CYP2B6: variants seen among roughly 807,000 people sequenced by gnomAD.
CYP2B6 encodes cytochrome P450 family 2 subfamily B member 6.
Under a neutral mutation model 43.4 loss-of-function variants are expected in CYP2B6, and 35 were observed. The ratio of observed to expected loss-of-function variants is 0.81; its 90% CI spans 0.62 to 1.07. CYP2B6 has a LOEUF of 1.07. CYP2B6 is among the 50% of genes least tolerant of loss of function. The probability of loss-of-function intolerance (pLI) is 0.00; values close to 1 mark genes in which losing one functional copy is unlikely to be tolerated. For synonymous variants in CYP2B6, 239 were observed against 239.2 expected (o/e 1.00, Z 0.01); for missense variants, 624 against 632.8 (o/e 0.99, Z 0.15).
intron 1 of CYP2B6, among the ~76,000 whole-genome samples, chr19:40,992,568 A>G (rs1402852226): frequency 6.6e-6 from 1 of 151,988 alleles, no homozygotes; most frequent in Non-Finnish European, 1.5e-5. Context: ...AGCCAGGCTG[A>G]AGTGCTGTGG....
intron 1 of CYP2B6, among the ~76,000 whole-genome samples, chr19:41,001,161 G>A (rs1423711560): frequency 2.0e-5 from 3 of 152,106 alleles, no homozygotes; most frequent in Non-Finnish European, 2.9e-5. Context: ...TCCAGCAGGA[G>A]GTCTGTCTCC....
In CYP2B6 at chr19:41,016,884, G is replaced by C; in HGVS notation, c.*57G>C. ...AGGGTCATTCAGTGTCCCCGCCTCT[G>C]TAGACAATGGCTCTGACTCCCCGCA... On this transcript the variant is annotated 3_prime_UTR_variant, in exon 9 of 9. Coordinates refer to ENST00000324071, the MANE Select transcript of CYP2B6 (RefSeq NM_000767.5). The C allele has an allele frequency of 6.4e-7, 1 of 1,571,350 alleles. No individual in the cohort carries two copies. The highest frequency in any genetic ancestry group is 8.7e-7 in the Non-Finnish European group (1 of 1,153,340).
rs1969197991 is a variant in CYP2B6 at position 41,006,953 on chromosome 19, T to A, written c.533T>A (p.Ile178Asn). 1 of 1,613,884 alleles carries A rather than the reference T, an allele frequency of 6.2e-7. No individual in the cohort carries two copies. The highest frequency in any genetic ancestry group is 8.5e-7 in the Non-Finnish European group (1 of 1,180,018). ...TFLFQSITAN[I>N]ICSIVFGKRF... ...CTCTTCCAGTCCATTACCGCCAACATCATCTGCTCCATCGTCTTTGGAAAA... is the reference window on the plus strand; with the variant it reads ...CTCTTCCAGTCCATTACCGCCAACAACATCTGCTCCATCGTCTTTGGAAAA... The change falls in exon 4 of 9, where the codon ATC (isoleucine) becomes AAC (asparagine). Residue 178 changes from isoleucine (I) to asparagine (N), a missense_variant. Physicochemically the swap from Ile to Asn is moderately radical, Grantham distance 149. Transcript: ENST00000324071.
intron 8 of CYP2B6, among the ~76,000 whole-genome samples, chr19:41,013,407 A>T (rs1359470283): frequency 6.6e-6 from 1 of 152,202 alleles, no homozygotes; most frequent in African/African-American, 2.4e-5. Flanking sequence ...GTCCGTAAGG[A>T]AAAGCTTACC....
intron 1 of CYP2B6, among the ~76,000 whole-genome samples, chr19:40,994,325 C>CGTG (rs1968967721): frequency 6.6e-6 from 1 of 151,992 alleles, no homozygotes; most frequent in Non-Finnish European, 1.5e-5. Flanking sequence ...GGTAGGCACT[C>CGTG]GTGGTGTTGG....
Position 40,991,395 on chromosome 19 carries a change from C to T in CYP2B6, c.90C>T (p.Leu30=), listed in dbSNP as rs1393961902. ...VQRHPNTHDR[L]PPGPRPLPLL... is the part of the protein sequence containing the mutation. Reference sequence around the variant, plus strand: ...GCCACCCTAACACCCATGACCGCCTCCCACCAGGGCCCCGCCCTCTGCCCC... The same window carrying T: ...GCCACCCTAACACCCATGACCGCCTTCCACCAGGGCCCCGCCCTCTGCCCC... Residue 30 remains leucine (L), a synonymous_variant, in exon 1 of 9, where the codon CTC becomes CTT. Coordinates refer to ENST00000324071, the MANE Select transcript of CYP2B6 (RefSeq NM_000767.5). The T allele has an allele frequency of 6.2e-7, 1 of 1,614,092 alleles. No individual in the cohort carries two copies.
At chr19:41,009,692 G>A (rs1339458159) in intron 5 of CYP2B6, 2 of 598,736 alleles carry the variant, frequency 3.3e-6, no homozygotes, top group African/African-American at 1.9e-5. Flanking sequence ...CGGGGCAAGG[G>A]ACAAAAATAC....
chr19:40,993,112 T>C (rs778944874), intron 1 of CYP2B6, among the ~76,000 whole-genome samples: 2 of 152,154 alleles, frequency 1.3e-5, no homozygotes, highest in African/African-American at 4.8e-5. Context: ...CAGGGCATGA[T>C]GGTAATTAAG....
chr19:41,004,194 G>C, intron 2 of CYP2B6, 31 bp downstream of exon 2: 1 of 1,600,960 alleles, frequency 6.2e-7, no homozygotes, highest in Non-Finnish European at 8.6e-7. Flanking sequence ...GGGAGGGGGC[G>C]GGTGGGGGGT....
intron 1 of CYP2B6, among the ~76,000 whole-genome samples, chr19:40,995,721 A>T (rs1283308555): frequency 6.6e-6 from 1 of 152,184 alleles, no homozygotes; most frequent in Non-Finnish European, 1.5e-5. Flanking sequence ...TTCCAGTAGG[A>T]GTGGATCTGA....
intron 1 of CYP2B6, 69 bp from the exon 2 acceptor site, chr19:41,003,932 A>G (rs770891067): frequency 6.4e-7 from 1 of 1,567,104 alleles, no homozygotes; most frequent in Non-Finnish European, 8.8e-7. Flanking sequence ...GTATGTAAGT[A>G]TTTTGATAGT....
intron 6 of CYP2B6, among the ~76,000 whole-genome samples, chr19:41,011,332 T>C (rs1162585338): frequency 6.6e-6 from 1 of 152,242 alleles, no homozygotes; most frequent in African/African-American, 2.4e-5. Flanking sequence ...CTAATTTAAT[T>C]ATTCACTTGC....
At chr19:41,006,324 C>CA (rs1319085708) in intron 3 of CYP2B6, among the ~76,000 whole-genome samples, 1 of 75,058 alleles carries the variant, frequency 1.3e-5, no homozygotes, top group Non-Finnish European at 2.5e-5. Flanking sequence ...TGTCTAGCTA[C>CA]ATTTTTTTTT....
chr19:40,992,293 C>T (rs1968932236), intron 1 of CYP2B6, among the ~76,000 whole-genome samples: 1 of 150,168 alleles, frequency 6.7e-6, no homozygotes, highest in Non-Finnish European at 1.5e-5. Flanking sequence ...TTTAATTAAA[C>T]AATTCTCCCC....
At chr19:41,011,869 A>G (rs1373163127) in intron 6 of CYP2B6, among the ~76,000 whole-genome samples, 2 of 152,204 alleles carry the variant, frequency 1.3e-5, no homozygotes, top group African/African-American at 2.4e-5. Flanking sequence ...TTTGAGGGGT[A>G]TCAAGGATCT....
intron 1 of CYP2B6, among the ~76,000 whole-genome samples, chr19:41,001,120 G>A (rs1313238903): frequency 6.6e-6 from 1 of 152,052 alleles, no homozygotes; most frequent in East Asian, 1.9e-4. Context: ...TTTGTCCAGT[G>A]GCACACAACT....
Position 41,016,644 on chromosome 19 carries a change from A to C in CYP2B6, c.1295-2A>C, listed in dbSNP as rs767669267. On this transcript the variant is annotated splice_acceptor_variant, in intron 8 of 8. Transcript: ENST00000324071. LOFTEE classifies it high-confidence loss of function. ...CACACTGGTGACCTTCTGTGTCCACAGGGAAGCGGATTTGTCTTGGTGAAG... is the reference window on the plus strand; with the variant it reads ...CACACTGGTGACCTTCTGTGTCCACCGGGAAGCGGATTTGTCTTGGTGAAG... The C allele has an allele frequency of 1.1e-5, 18 of 1,613,976 alleles. No individual in the cohort carries two copies. Among genetic ancestry groups the C allele is most frequent in the Non-Finnish European group, 1.4e-5 (17 of 1,179,966 alleles).
intron 7 of CYP2B6, 71 bp downstream of exon 7, chr19:41,012,556 C>CT: frequency 6.2e-7 from 1 of 1,608,356 alleles, no homozygotes; most frequent in South Asian, 1.1e-5. Flanking sequence ...CGAACTCAAC[C>CT]TTTTGTTAGC....
At chr19:41,007,411 A>G (rs931824283) in intron 4 of CYP2B6, 2 of 299,014 alleles carry the variant, frequency 6.7e-6, no homozygotes, top group Admixed American at 4.6e-5. Flanking sequence ...AGAGAGAGAG[A>G]ACGAATAAGG....
Sources: allele counts gnomAD v4.1 joint callset (sites outside exome capture counted in the v4.1 genomes callset), GRCh38; gene constraint gnomAD v4.1.1; transcripts MANE v1.5; gene names NCBI Gene and HGNC (gene_info 2026-07-23, HGNC 2026-07-21).